RDH11: variants seen among roughly 807,000 people sequenced by gnomAD.
RDH11 encodes the protein HCV core-binding protein HCBP12.
RDH11 carries 19 observed loss-of-function variants against 33.4 expected under a neutral mutation model. The ratio of observed to expected loss-of-function variants is 0.57; its 90% CI spans 0.40 to 0.83. The LOEUF is 0.83. RDH11 is among the 40% of genes least tolerant of loss of function. RDH11 has a pLI of 0.00. For synonymous variants in RDH11, 154 were observed against 155.3 expected (o/e 0.99, Z 0.06); for missense variants, 353 against 389.0 (o/e 0.91, Z 0.78).
chr14:67,682,155 T>C (rs188282617), intron 6 of RDH11, among the ~76,000 whole-genome samples: 2 of 152,204 alleles, frequency 1.3e-5, no homozygotes, highest in East Asian at 1.9e-4. Context: ...GTATTCTGTT[T>C]AGTAACAGAA....
chr14:67,689,823 A>T (rs2037726556), intron 5 of RDH11, among the ~76,000 whole-genome samples: 1 of 152,092 alleles, frequency 6.6e-6, no homozygotes, highest in Non-Finnish European at 1.5e-5. Flanking sequence ...ACGCACCTGT[A>T]GTCCCAGCTA....
At chr14:67,685,229 G>A in intron 5 of RDH11, 25 bp from the exon 6 acceptor site, 1 of 1,588,972 alleles carries the variant, frequency 6.3e-7, no homozygotes, top group South Asian at 1.1e-5. Context: ...CATGAAGAGA[G>A]GGTAAGACAG....
chr14:67,695,560 T>G, intron 1 of RDH11, 70 bp downstream of exon 1: 1 of 1,474,036 alleles, frequency 6.8e-7, no homozygotes, highest in Non-Finnish European at 9.3e-7. Context: ...AAAGCTTTGG[T>G]GGGGATTCTA....
rs1345857026 is a variant in RDH11, at chr14:67,677,088, A to G, written c.*1233T>C. The G allele has an allele frequency of 6.6e-6, 1 of 152,194 alleles. No homozygotes were observed. Among genetic ancestry groups the G allele is most frequent in the Non-Finnish European group, 1.5e-5 (1 of 68,032 alleles). The allele number at this position is 152,194 out of a possible 1,614,324, so 9.4% of individuals were successfully genotyped here. ...CTTTCCCCCACCAAAGTTAAAATAT[A>G]ATTGTCATTCCAGGAAATCAAAATC... On this transcript the variant is annotated 3_prime_UTR_variant, in exon 7 of 7. Coordinates refer to ENST00000381346, the MANE Select transcript of RDH11 (RefSeq NM_016026.4).
In RDH11 at chr14:67,685,125, C is replaced by A; in HGVS notation, c.744G>T (p.Trp248Cys). The A allele has an allele frequency of 6.2e-7, 1 of 1,614,186 alleles. No homozygotes were observed. The highest frequency in any genetic ancestry group is 8.5e-7 in the Non-Finnish European group (1 of 1,180,032). The change falls in exon 6 of 7, where the codon TGG becomes TGT. Residue 248 changes from tryptophan to cysteine, a missense_variant. Coordinates refer to ENST00000381346, the MANE Select transcript of RDH11 (RefSeq NM_016026.4). ...ELVRHSSFMR[W>C]MWWLFSFFIK... ...TGAAAAAGGAGAAAAGCCACCACAT[C>A]CATCTCATGAAAGATGAGTGCCGAA... is the stretch of plus-strand genomic sequence containing the variant.
At chr14:67,692,886 G>A (rs1220251763) in intron 2 of RDH11, 48 bp downstream of exon 2, 2 of 1,232,092 alleles carry the variant, frequency 1.6e-6, no homozygotes, top group South Asian at 1.3e-5. Context: ...ATTACTGTGA[G>A]GGGTAAAACA....
At position 67,692,953 on chromosome 14, in the gene RDH11, G is replaced by A; in HGVS notation, c.174C>T (p.Ala58=). 1 of 1,612,500 alleles carries A rather than the reference G, an allele frequency of 6.2e-7. No individual in the cohort carries two copies. The highest frequency in any genetic ancestry group is 8.5e-7 in the Non-Finnish European group (1 of 1,178,696). Residue 58 remains alanine, a synonymous_variant, in exon 2 of 7, where the codon GCC becomes GCT. Coordinates refer to ENST00000381346, the MANE Select transcript of RDH11 (RefSeq NM_016026.4). ...ACTTGCCTCTCTGAGCCAGCTCTTT[G>A]GCTGTCTCCTTCCCGATACCTGTAT... ...GANTGIGKET[A]KELAQRGARV...
At position 67,678,478 on chromosome 14, in the gene RDH11, C is replaced by T. The variant is rs1295110252; in HGVS notation, c.855-55G>A. ...CAGTGTTAAGAATGAAGTCTGCCAT[C>T]TGCCAGGGATAAGGAATATGACATA... is the stretch of plus-strand genomic sequence containing the variant. On this transcript the variant is annotated intron_variant, in intron 6 of 6. Coordinates refer to ENST00000381346, the MANE Select transcript of RDH11 (RefSeq NM_016026.4). The T allele has an allele frequency of 2.5e-6, 3 of 1,186,778 alleles. No individual in the cohort carries two copies. In the South Asian group the frequency reaches 3.7e-5, roughly 15 times the overall value. 73.5% of individuals were successfully genotyped at this position (1,186,778 alleles called of 1,614,324 possible).
chr14:67,690,829 G>A (rs2037740297), intron 4 of RDH11: 1 of 380,278 alleles, frequency 2.6e-6, no homozygotes. Context: ...CAAAAAAAGA[G>A]CAGATGACCT....
chr14:67,691,197 A>G lies in RDH11; in HGVS notation c.397T>C (p.Cys133Arg). 1 of 1,614,108 alleles carries G rather than the reference A, an allele frequency of 6.2e-7. No homozygotes were observed. Among genetic ancestry groups the G allele is most frequent in the Non-Finnish European group, 8.5e-7 (1 of 1,180,002 alleles). ...VLINNAGVMM[C>R]PYSKTADGFE... The stretch of plus-strand genomic sequence containing the variant: ...CCATCTGCTGTCTTCGAGTACGGAC[A>G]CATCATCACTCCTGCATTGTTGATC... Residue 133 changes from cysteine to arginine, a missense_variant, in exon 4 of 7, where the codon TGT (cysteine) becomes CGT (arginine). By Grantham distance (180) the Cys-to-Arg change is radical (BLOSUM62 -3). Transcript: ENST00000381346.
intron 4 of RDH11, 141 bp from the exon 5 acceptor site, chr14:67,690,562 C>G (rs1465342832): frequency 4.4e-6 from 3 of 686,824 alleles, no homozygotes; most frequent in Non-Finnish European, 7.4e-6. Flanking sequence ...AACTAGAAAA[C>G]AAGTTTAATG....
In RDH11 at chr14:67,686,734, C is replaced by T. The variant is rs528317011; in HGVS notation, c.665-1530G>A. Among the ~76,000 whole-genome samples, 18 of 151,102 alleles carry T rather than the reference C, an allele frequency of 1.2e-4. No homozygotes were observed. In the East Asian group the frequency reaches 3.1e-3, roughly 26 times the overall value. On this transcript the variant is annotated intron_variant, in intron 5 of 6. Coordinates refer to ENST00000381346, the MANE Select transcript of RDH11 (RefSeq NM_016026.4). ...CAGGCCCCCAATCCTTTATGGAAAA[C>T]GCTGGGGCCAGACATACTTCAATTT...
At chr14:67,691,314 C>A in intron 3 of RDH11, 70 bp from the exon 4 acceptor site, 1 of 1,003,902 alleles carries the variant, frequency 1.0e-6, no homozygotes, top group South Asian at 1.3e-5. Flanking sequence ...AGCTGCCTCA[C>A]GCTCAGGCTT....
At chr14:67,690,540 C>G in intron 4 of RDH11, 119 bp from the exon 5 acceptor site, 1 of 792,880 alleles carries the variant, frequency 1.3e-6, no homozygotes, top group Non-Finnish European at 2.1e-6. Flanking sequence ...TTCCCTCCAA[C>G]TTTTCATTAT....
Position 67,685,001 on chromosome 14 carries a change from G to A in RDH11, c.854+14C>T. On this transcript the variant is annotated intron_variant, in intron 6 of 6. Transcript: ENST00000381346. ...GCAATAAATCTCATCTGCAAAAAGA[G>A]ATAACATTCATACCTGAAATGATTC... 1 of 1,593,972 alleles carries A rather than the reference G, an allele frequency of 6.3e-7. No homozygotes were observed. The highest frequency in any genetic ancestry group is 2.2e-5 in the East Asian group (1 of 44,564).
chr14:67,678,081 T>C lies in RDH11; in HGVS notation c.*240A>G. The C allele has an allele frequency of 2.4e-6, 1 of 421,532 alleles. No homozygotes were observed. Among genetic ancestry groups the C allele is most frequent in the Non-Finnish European group, 4.4e-6 (1 of 228,780 alleles). 26.1% of individuals were successfully genotyped at this position (421,532 alleles called of 1,614,324 possible). A position where few individuals can be genotyped will look rare whatever the true frequency, so the allele number is the denominator to read the frequency against. ...TGCAGGTCATATGAGGGTCTTCTTA[T>C]CCTATTATGATATCTCTAGTAACTC... On this transcript the variant is annotated 3_prime_UTR_variant, in exon 7 of 7. Coordinates refer to ENST00000381346, the MANE Select transcript of RDH11 (RefSeq NM_016026.4).
chr14:67,694,449 TATAC>T (rs1337835230), intron 1 of RDH11, among the ~76,000 whole-genome samples: 2 of 145,794 alleles, frequency 1.4e-5, no homozygotes, highest in Non-Finnish European at 3.0e-5. Flanking sequence ...TATATATATA[TATAC>T]ACACACACAC....
At chr14:67,683,275 A>G (rs1233618830) in intron 6 of RDH11, among the ~76,000 whole-genome samples, 1 of 152,088 alleles carries the variant, frequency 6.6e-6, no homozygotes. Context: ...AAACCAAGAT[A>G]AAGGGTTATT....
chr14:67,685,896 G>A (rs1477977665), intron 5 of RDH11, among the ~76,000 whole-genome samples: 3 of 151,898 alleles, frequency 2.0e-5, no homozygotes, highest in Admixed American at 6.6e-5. Flanking sequence ...GATTACAGGC[G>A]CCCATCCCCT....
Sources: allele counts gnomAD v4.1 joint callset (sites outside exome capture counted in the v4.1 genomes callset), GRCh38; gene constraint gnomAD v4.1.1; transcripts MANE v1.5; gene names NCBI Gene and HGNC (gene_info 2026-07-23, HGNC 2026-07-21).